Variants in RGS20 observed in about 807,000 individuals in gnomAD.
RGS20 encodes regulator of G protein signaling 20, also known as gz-selective GTPase-activating protein.
In RGS20, 30 loss-of-function variants were observed where a neutral mutation model predicts 33.6. The ratio of observed to expected loss-of-function variants is 0.89; its 90% CI spans 0.67 to 1.21. The LOEUF is 1.21. Ranked by LOEUF, RGS20 falls within the 50% of genes most tolerant of loss-of-function variation. The pLI, the probability that RGS20 is intolerant of heterozygous loss-of-function variation, is 0.00. For synonymous variants in RGS20, 208 were observed against 197.9 expected (o/e 1.05, Z -0.43); for missense variants, 472 against 502.4 (o/e 0.94, Z 0.58).
At chr8:53,931,552 A>AAACAACAACAAC (rs147351535) in intron 2 of RGS20, among the ~76,000 whole-genome samples, 19 of 150,592 alleles carry the variant, frequency 1.3e-4, no homozygotes, top group East Asian at 2.0e-4. Context: ...CAAAACTCCA[A>AAACAACAACAAC]AACAACAACA....
chr8:53,892,647 A>G (rs1156966900), intron 2 of RGS20, among the ~76,000 whole-genome samples: 1 of 152,236 alleles, frequency 6.6e-6, no homozygotes, highest in Non-Finnish European at 1.5e-5. Context: ...GAATGTGTAT[A>G]GCAGTGATAA....
intron 2 of RGS20, among the ~76,000 whole-genome samples, chr8:53,895,632 G>T (rs1812835561): frequency 6.6e-6 from 1 of 151,204 alleles, no homozygotes; most frequent in Non-Finnish European, 1.5e-5. Context: ...ACTAATAATA[G>T]TTTTTCTTTT....
intron 2 of RGS20, among the ~76,000 whole-genome samples, chr8:53,897,163 A>C (rs1009070098): frequency 6.6e-6 from 1 of 152,220 alleles, no homozygotes; most frequent in Non-Finnish European, 1.5e-5. Flanking sequence ...CTTAATTTGC[A>C]TGTACGTTGA....
rs1172257852 is a variant in RGS20 at position 53,885,790 on chromosome 8, CTTTTTTT to C, written c.510+6204_510+6210del. ...TGAACTGGATACTGAGTATCTTACTCTTTTTTTTTTTTTTTTTTTTTTGACTCCAAGA... is the reference window on the plus strand; with the variant it reads ...TGAACTGGATACTGAGTATCTTACTCTTTTTTTTTTTTTTTGACTCCAAGA... On this transcript the variant is annotated intron_variant, in intron 2 of 5. Transcript: ENST00000297313. 6.0e-3 allele frequency among the ~76,000 whole-genome samples: 676 copies of C among 112,736 alleles called. 7 individuals are homozygous for C. The highest frequency in any genetic ancestry group is 0.053 in the South Asian group (166 of 3,114). 74.0% of individuals were successfully genotyped at this position (112,736 alleles called of 152,430 possible).
rs116319534 is a variant in RGS20, at chr8:53,949,708, C to T, written c.743+2960C>T. ...CCCCAGCCTAGGAGACAGAGCAAGA[C>T]TCTGCCTCAATCAATCAATCAATCA... On this transcript the variant is annotated intron_variant, in intron 4 of 5. Coordinates refer to ENST00000297313, the MANE Select transcript of RGS20 (RefSeq NM_170587.4). 2.9e-3 allele frequency among the ~76,000 whole-genome samples: 434 copies of T among 151,814 alleles called. 3 individuals are homozygous for T. The highest frequency in any genetic ancestry group is 1.0e-2 in the African/African-American group (413 of 41,398).
intron 1 of RGS20, among the ~76,000 whole-genome samples, chr8:53,869,149 A>G (rs994151894): frequency 6.6e-6 from 1 of 152,258 alleles, no homozygotes; most frequent in Non-Finnish European, 1.5e-5. Context: ...CTGATATCAA[A>G]TGTAACAATT....
chr8:53,871,695 AC>A (rs1400113026), intron 1 of RGS20, among the ~76,000 whole-genome samples: 1 of 152,114 alleles, frequency 6.6e-6, no homozygotes, highest in African/African-American at 2.4e-5. Flanking sequence ...TCTAAATAAC[AC>A]TAGAGGACAG....
At chr8:53,916,658 A>G (rs902715020) in intron 2 of RGS20, among the ~76,000 whole-genome samples, 3 of 152,110 alleles carry the variant, frequency 2.0e-5, no homozygotes, top group African/African-American at 7.2e-5. Flanking sequence ...TATTTCTAGT[A>G]GTGGATTTTT....
chr8:53,948,460 T>A (rs62651850), intron 4 of RGS20, among the ~76,000 whole-genome samples: 11 of 134,156 alleles, frequency 8.2e-5, no homozygotes, highest in Admixed American at 1.5e-4. Flanking sequence ...ATGCTATATA[T>A]GATACAGTAT....
At chr8:53,934,592 G>A (rs1238506150) in intron 2 of RGS20, among the ~76,000 whole-genome samples, 1 of 152,098 alleles carries the variant, frequency 6.6e-6, no homozygotes, top group Non-Finnish European at 1.5e-5. Context: ...CAATAAAGGA[G>A]CATCCATATT....
intron 1 of RGS20, among the ~76,000 whole-genome samples, chr8:53,874,307 G>A (rs557743798): frequency 3.9e-5 from 6 of 152,142 alleles, no homozygotes; most frequent in Admixed American, 6.6e-5. Context: ...AACGGAAGGA[G>A]AAAGATCAGT....
chr8:53,868,532 A>G (rs1400215006), intron 1 of RGS20, among the ~76,000 whole-genome samples: 3 of 152,134 alleles, frequency 2.0e-5, no homozygotes, highest in African/African-American at 4.8e-5. Context: ...CGTTTATAGG[A>G]ACATTTTATA....
chr8:53,856,089 T>G (rs1811662963), intron 1 of RGS20, among the ~76,000 whole-genome samples: 1 of 152,226 alleles, frequency 6.6e-6, no homozygotes. Context: ...TAGTACTTTC[T>G]GTATGATTTC....
intron 1 of RGS20, among the ~76,000 whole-genome samples, chr8:53,878,084 G>T (rs1053388400): frequency 1.2e-4 from 19 of 152,312 alleles, no homozygotes; most frequent in African/African-American, 4.6e-4. Flanking sequence ...CACCACCCCA[G>T]CACTTTATTC....
intron 2 of RGS20, among the ~76,000 whole-genome samples, chr8:53,883,544 G>T (rs1461674465): frequency 3.3e-5 from 5 of 152,148 alleles, no homozygotes; most frequent in Non-Finnish European, 7.4e-5. Context: ...CTTGAGCTCT[G>T]TAACTGGGTT....
At chr8:53,920,591 G>A (rs1374428812) in intron 2 of RGS20, among the ~76,000 whole-genome samples, 2 of 152,082 alleles carry the variant, frequency 1.3e-5, no homozygotes, top group East Asian at 3.8e-4. Flanking sequence ...GGTAAAAGTA[G>A]ATTTTTTTTC....
chr8:53,879,878 T>G, intron 2 of RGS20: 7 of 373,668 alleles, frequency 1.9e-5, no homozygotes, highest in East Asian at 8.5e-5. Flanking sequence ...GCCCTCGCTC[T>G]TCCCCGAGGC....
intron 2 of RGS20, among the ~76,000 whole-genome samples, chr8:53,932,404 G>A (rs1470850953): frequency 6.6e-6 from 1 of 152,194 alleles, no homozygotes. Context: ...CAGCACAGAA[G>A]TCTAAAGTTG....
chr8:53,892,402 A>T (rs1220830077), intron 2 of RGS20, among the ~76,000 whole-genome samples: 1 of 152,226 alleles, frequency 6.6e-6, no homozygotes, highest in Non-Finnish European at 1.5e-5. Context: ...GTGGGACTGT[A>T]AACTAGTTCA....
Sources: allele counts gnomAD v4.1 joint callset (sites outside exome capture counted in the v4.1 genomes callset), GRCh38; gene constraint gnomAD v4.1.1; transcripts MANE v1.5; gene names NCBI Gene and HGNC (gene_info 2026-07-23, HGNC 2026-07-21).